Variants in MEGF10 observed in about 807,000 individuals in gnomAD.
The protein encoded by MEGF10 is multiple epidermal growth factor-like domains protein 10.
In MEGF10, 86 loss-of-function variants were observed where a neutral mutation model predicts 147.5. The observed-to-expected ratio is 0.58, with a 90% confidence interval of 0.49 to 0.70. MEGF10 has a LOEUF of 0.70. Ranked by LOEUF, MEGF10 falls within the 30% of genes least tolerant of loss-of-function variation. The pLI, the probability that MEGF10 is intolerant of heterozygous loss-of-function variation, is 0.00. For missense variants in MEGF10, 1,329 were observed against 1,487.3 expected (o/e 0.89, Z 1.75); for synonymous variants, 478 against 525.5 (o/e 0.91, Z 1.24).
At chr5:127,423,568 C>G (rs1765103901) in intron 13 of MEGF10, among the ~76,000 whole-genome samples, 1 of 152,074 alleles carries the variant, frequency 6.6e-6, no homozygotes, top group Non-Finnish European at 1.5e-5. Flanking sequence ...CTTTTTGATT[C>G]TAGCCATCCT....
chr5:127,321,113 T>G (rs1389121641), intron 1 of MEGF10, among the ~76,000 whole-genome samples: 1 of 152,216 alleles, frequency 6.6e-6, no homozygotes, highest in Non-Finnish European at 1.5e-5. Flanking sequence ...ACAGGTGATT[T>G]GACTGTAAGT....
chr5:127,459,393 T>C lies in MEGF10; in HGVS notation c.*2075T>C, dbSNP rs1369198393. Reference sequence around the variant, plus strand: ...TTTATTCCAATAGTTAACCACTGGCTGGCTCCCAACTCTAGGTGATAGGCA... The same window carrying C: ...TTTATTCCAATAGTTAACCACTGGCCGGCTCCCAACTCTAGGTGATAGGCA... On this transcript the variant is annotated 3_prime_UTR_variant, in exon 25 of 25. Transcript: ENST00000503335. 1 of 152,236 alleles carries C rather than the reference T, an allele frequency of 6.6e-6. No individual in the cohort carries two copies. The highest frequency in any genetic ancestry group is 1.5e-5 in the Non-Finnish European group (1 of 68,040). 9.4% of individuals were successfully genotyped at this position (152,236 alleles called of 1,614,324 possible).
chr5:127,281,478 A>T, the MEGF10 span, among the ~76,000 whole-genome samples: 1 of 152,184 alleles, frequency 6.6e-6, no homozygotes, highest in Non-Finnish European at 1.5e-5. Context: ...CTCGAGTGTC[A>T]GATTATATCC....
chr5:127,230,355 C>G, the MEGF10 span, among the ~76,000 whole-genome samples: 3 of 152,022 alleles, frequency 2.0e-5, no homozygotes, highest in African/African-American at 4.8e-5. Flanking sequence ...GTTGAAACCC[C>G]GGTGTCCCCA....
rs773269182 is a variant in MEGF10 at position 127,398,681 on chromosome 5, A to G, written c.665A>G (p.Glu222Gly). 1 of 1,613,990 alleles carries G rather than the reference A, an allele frequency of 6.2e-7. No individual in the cohort carries two copies. The highest frequency in any genetic ancestry group is 1.7e-5 in the Admixed American group (1 of 59,998). The change falls in exon 7 of 25, where the codon GAG becomes GGG. Residue 222 changes from glutamate to glycine, a missense_variant. Physicochemically the swap from Glu to Gly is moderately conservative, Grantham distance 98. Transcript: ENST00000503335. ...GTCACATGTTAATCCCTCAGCTGTG[A>G]GGATCTTTGTCCTCCTGGTAAACAT... ...CPPGYTGAFC[E>G]DLCPPGKHGP... is the part of the protein sequence containing the mutation.
At position 127,449,199 on chromosome 5, in the gene MEGF10, A is replaced by G; in HGVS notation, c.2957A>G (p.His986Arg). 2 of 1,613,506 alleles carry G rather than the reference A, an allele frequency of 1.2e-6. No homozygotes were observed. The highest frequency in any genetic ancestry group is 2.2e-5 in the East Asian group (1 of 44,860). ...CTGTLPADWK[H>R]GGYLNELGAF... ...GGGACATTGCCGGCTGACTGGAAAC[A>G]TGGCGGCTACCTCAACGAGCTCGGT... is the stretch of plus-strand genomic sequence containing the variant. Residue 986 changes from histidine (H) to arginine (R), a missense_variant, in exon 22 of 25, where the codon CAT (histidine) becomes CGT (arginine). Coordinates refer to ENST00000503335, the MANE Select transcript of MEGF10 (RefSeq NM_001256545.2).
At chr5:127,273,455 C>G in the MEGF10 span, among the ~76,000 whole-genome samples, 1 of 152,256 alleles carries the variant, frequency 6.6e-6, no homozygotes, top group Non-Finnish European at 1.5e-5. Context: ...TGCTTTCATT[C>G]TGCTCTGTGA....
At chr5:127,380,067 G>GTTTTTTT (rs5871252) in intron 5 of MEGF10, among the ~76,000 whole-genome samples, 2 of 147,496 alleles carry the variant, frequency 1.4e-5, no homozygotes, top group Non-Finnish European at 3.0e-5. Flanking sequence ...TTGTTAACTT[G>GTTTTTTT]TTTTTTTTTT....
Position 127,417,816 on chromosome 5 carries a change from A to G in MEGF10, c.1305+4A>G. ...CACCTGTGCCCCAGGATTCAAAGTG[A>G]GTGACTAGGGCTCTGGAGGAAGGAG... On this transcript the variant is annotated splice_donor_region_variant and intron_variant, in intron 10 of 24. Coordinates refer to ENST00000503335, the MANE Select transcript of MEGF10 (RefSeq NM_001256545.2). 1 of 1,613,452 alleles carries G rather than the reference A, an allele frequency of 6.2e-7. No individual in the cohort carries two copies. Among genetic ancestry groups the G allele is most frequent in the Non-Finnish European group, 8.5e-7 (1 of 1,179,888 alleles).
intron 4 of MEGF10, among the ~76,000 whole-genome samples, chr5:127,358,432 G>C (rs1398456793): frequency 2.0e-5 from 3 of 152,204 alleles, no homozygotes; most frequent in Non-Finnish European, 4.4e-5. Context: ...ATGACAGCAA[G>C]ATGAAATAGG....
At chr5:127,352,206 G>T (rs1276959614) in intron 4 of MEGF10, among the ~76,000 whole-genome samples, 1 of 152,096 alleles carries the variant, frequency 6.6e-6, no homozygotes, top group Non-Finnish European at 1.5e-5. Flanking sequence ...GTCCAGACAG[G>T]TTGTAACAAC....
chr5:127,337,074 G>A (rs775333911), intron 2 of MEGF10, among the ~76,000 whole-genome samples: 2 of 152,078 alleles, frequency 1.3e-5, no homozygotes, highest in African/African-American at 4.8e-5. Flanking sequence ...ATTTGAGGAC[G>A]GCCATACAGA....
In MEGF10 at chr5:127,438,442, G is replaced by A; in HGVS notation, c.2108G>A (p.Cys703Tyr). 2 of 1,613,888 alleles carry A rather than the reference G, an allele frequency of 1.2e-6. No homozygotes were observed. Among genetic ancestry groups the A allele is most frequent in the Non-Finnish European group, 1.7e-6 (2 of 1,179,900 alleles). ...GWIGSDCSQP[C>Y]PPAHWGPNCI... Reference sequence around the variant, plus strand: ...TTCTCCATACCTGTAATTTCAGCATGTCCACCTGCCCACTGGGGCCCAAAC... The same window carrying A: ...TTCTCCATACCTGTAATTTCAGCATATCCACCTGCCCACTGGGGCCCAAAC... The change falls in exon 17 of 25, where the codon TGT (cysteine) becomes TAT (tyrosine). Residue 703 changes from cysteine to tyrosine, a missense_variant. By Grantham distance (194) the Cys-to-Tyr change is radical. Around this residue, in one of 3 missense-constraint regions of MEGF10, gnomAD observed 980 missense variants for 1,085.9 expected, o/e 0.90. Transcript: ENST00000503335.
intron 4 of MEGF10, among the ~76,000 whole-genome samples, chr5:127,341,114 A>G (rs1293747593): frequency 6.6e-6 from 1 of 152,000 alleles, no homozygotes; most frequent in African/African-American, 2.4e-5. Flanking sequence ...ACAAAATAGA[A>G]CTTCTTTTCA....
chr5:127,246,574 G>T, the MEGF10 span, among the ~76,000 whole-genome samples: 1 of 151,324 alleles, frequency 6.6e-6, no homozygotes. Context: ...TGCACATTCT[G>T]CACGTGTATC....
chr5:127,285,827 A>G (rs548438038), upstream of MEGF10, among the ~76,000 whole-genome samples: 1 of 152,294 alleles, frequency 6.6e-6, no homozygotes, highest in Admixed American at 6.5e-5. Flanking sequence ...AATCAAAGGA[A>G]GTGAAATCAA....
At chr5:127,286,585 TAG>T (rs1759036171), upstream of MEGF10, among the ~76,000 whole-genome samples, 1 of 151,842 alleles carries the variant, frequency 6.6e-6, no homozygotes, top group South Asian at 2.1e-4. Flanking sequence ...CAGTAATTAT[TAG>T]AGAGGAGTTT....
chr5:127,293,834 G>A (rs747100826), intron 1 of MEGF10, among the ~76,000 whole-genome samples: 1 of 152,168 alleles, frequency 6.6e-6, no homozygotes, highest in African/African-American at 2.4e-5. Context: ...TAAAGCTGAC[G>A]TCAGATCACA....
At chr5:127,408,573 T>C (rs1249247780) in intron 8 of MEGF10, among the ~76,000 whole-genome samples, 1 of 152,254 alleles carries the variant, frequency 6.6e-6, no homozygotes, top group Non-Finnish European at 1.5e-5. Flanking sequence ...GGTGTACCCA[T>C]GTATAACTTT....
Sources: allele counts gnomAD v4.1 joint callset (sites outside exome capture counted in the v4.1 genomes callset), GRCh38; gene constraint gnomAD v4.1.1; regional missense constraint gnomAD v4.1.1; transcripts MANE v1.5; gene names NCBI Gene and HGNC (gene_info 2026-07-23, HGNC 2026-07-21).